The following TREML4 variants were observed in gnomAD, a reference collection of about 807,000 sequenced individuals.
TREML4 encodes triggering receptor expressed on myeloid cells like 4.
Under a neutral mutation model 25.4 loss-of-function variants are expected in TREML4, and 25 were observed. The observed-to-expected ratio is 0.98, with a 90% confidence interval of 0.72 to 1.37. The LOEUF (loss-of-function observed/expected upper bound fraction) is 1.37, where lower values mean the gene tolerates loss of function less well. Ranked by LOEUF, TREML4 falls within the 40% of genes most tolerant of loss-of-function variation. The probability of loss-of-function intolerance (pLI) is 0.00; values close to 1 mark genes in which losing one functional copy is unlikely to be tolerated. For synonymous variants in TREML4, 92 were observed against 87.9 expected, an observed-to-expected ratio of 1.05 and a Z score of -0.26; for missense variants, 268 against 236.5, an observed-to-expected ratio of 1.13 and a Z score of -0.87.
intron 4 of TREML4, chr6:41,231,121 G>C (rs1279376456): frequency 6.8e-6 from 3 of 443,540 alleles, no homozygotes; most frequent in Non-Finnish European, 1.4e-5. Context: ...GGCTCCCACA[G>C]ATTCTACATT....
intron 4 of TREML4, chr6:41,232,247 C>G: frequency 4.7e-6 from 1 of 211,790 alleles, no homozygotes; most frequent in Non-Finnish European, 1.0e-5. Context: ...GAAAACACTC[C>G]TGGAGGAAGG....
intron 2 of TREML4, 90 bp from the exon 3 acceptor site, chr6:41,229,431 T>C: frequency 2.8e-6 from 4 of 1,413,586 alleles, no homozygotes; most frequent in Non-Finnish European, 4.0e-6. Flanking sequence ...AGGGTCTGGC[T>C]CTGGGCCCCT....
At chr6:41,234,801 T>C (rs1766867435) in intron 4 of TREML4, among the ~76,000 whole-genome samples, 1 of 151,168 alleles carries the variant, frequency 6.6e-6, no homozygotes, top group Non-Finnish European at 1.5e-5. Context: ...AACATTTACA[T>C]TTCATGATTT....
intron 4 of TREML4, among the ~76,000 whole-genome samples, chr6:41,233,039 G>A (rs899673135): frequency 1.2e-4 from 19 of 152,304 alleles, no homozygotes; most frequent in African/African-American, 4.1e-4. Context: ...TTGGGTACTT[G>A]TCTCATGAGA....
At position 41,238,368 on chromosome 6, in the gene TREML4, A is replaced by T. The variant is rs928572464; in HGVS notation, c.*1349A>T. The stretch of plus-strand genomic sequence containing the variant: ...GTGACTATGTTTTCACTTACATAAA[A>T]GAAATTGTGATAGACCTTTTTCATA... On this transcript the variant is annotated 3_prime_UTR_variant, in exon 6 of 6. Coordinates refer to ENST00000341495, the MANE Select transcript of TREML4 (RefSeq NM_198153.3). The T allele has an allele frequency of 1.3e-5, 2 of 152,212 alleles. No individual in the cohort carries two copies. The highest frequency in any genetic ancestry group is 4.8e-5 in the African/African-American group (2 of 41,462). The allele number at this position is 152,212 out of a possible 1,614,324, so 9.4% of individuals were successfully genotyped here.
Position 41,237,938 on chromosome 6 carries a change from T to C in TREML4, c.*919T>C, listed in dbSNP as rs1766934912. 6.6e-6 allele frequency: 1 copy of C among 152,232 alleles called. No individual in the cohort carries two copies. Among genetic ancestry groups the C allele is most frequent in the Non-Finnish European group, 1.5e-5 (1 of 68,042 alleles). 9.4% of individuals were successfully genotyped at this position (152,232 alleles called of 1,614,324 possible). A position where few individuals can be genotyped will look rare whatever the true frequency, so the allele number is the denominator to read the frequency against. ...TTTTAGGGAACAGAAGAGGAGCACA[T>C]ATTTATGAAGCAAGAATAGGTACAG... On this transcript the variant is annotated 3_prime_UTR_variant, in exon 6 of 6. Transcript: ENST00000341495.
chr6:41,231,955 A>G (rs1040643033), intron 4 of TREML4, among the ~76,000 whole-genome samples: 11 of 152,214 alleles, frequency 7.2e-5, no homozygotes, highest in African/African-American at 2.7e-4. Context: ...CAGCCAACAC[A>G]CACACAAAAA....
At position 41,234,074 on chromosome 6, in the gene TREML4, G is replaced by A. The variant is rs145156367; in HGVS notation, c.507-2412G>A. On this transcript the variant is annotated intron_variant, in intron 4 of 5. Transcript: ENST00000341495. ...AAATACATGAAATGTATTTACAAAA[G>A]GACACCTTGTATAAGGACATATAAG... Among the ~76,000 whole-genome samples the A allele has an allele frequency of 1.7e-3, 253 of 151,804 alleles. 1 individual carries two copies. The highest frequency in any genetic ancestry group is 6.2e-3 in the East Asian group (32 of 5,182).
intron 3 of TREML4, 85 bp from the exon 4 acceptor site, chr6:41,229,977 C>T (rs986811298): frequency 2.5e-6 from 3 of 1,178,300 alleles, no homozygotes; most frequent in Non-Finnish European, 3.8e-6. Flanking sequence ...GGCCCCTCTC[C>T]CCTTCCTCTC....
At chr6:41,232,485 A>G (rs1766820106) in intron 4 of TREML4, 1 of 228,552 alleles carries the variant, frequency 4.4e-6, no homozygotes. Flanking sequence ...GCAGAAGACA[A>G]TTTTTCCATG....
chr6:41,232,347 C>T, intron 4 of TREML4: 1 of 399,438 alleles, frequency 2.5e-6, no homozygotes. Context: ...TTGTTTTTAT[C>T]TTTTTTGATT....
rs10700462 is a variant in TREML4 at position 41,228,366 on chromosome 6, C to CATT, written c.-62_-61insATT. 1.0e-5 allele frequency: 13 copies of CATT among 1,246,324 alleles called. 1 individual carries two copies. The highest frequency in any genetic ancestry group is 1.5e-5 in the Non-Finnish European group (13 of 888,660). The allele number at this position is 1,246,324 out of a possible 1,614,324, so 77.2% of individuals were successfully genotyped here. On this transcript the variant is annotated 5_prime_UTR_variant, in exon 1 of 6. Coordinates refer to ENST00000341495, the MANE Select transcript of TREML4 (RefSeq NM_198153.3). The stretch of plus-strand genomic sequence containing the variant: ...GCAGAATCAGACCCAGCGTCTGACT[C>CATT]CTCCTGAGAGGGCTCCCTTTTTTCT...
At chr6:41,229,621 T>G in intron 3 of TREML4, 50 bp downstream of exon 3, 1 of 1,596,492 alleles carries the variant, frequency 6.3e-7, no homozygotes, top group East Asian at 2.2e-5. Flanking sequence ...ACCAGGCAGC[T>G]TGGGAGCCTC....
At chr6:41,236,027 C>G (rs967563962) in intron 4 of TREML4, among the ~76,000 whole-genome samples, 2 of 152,134 alleles carry the variant, frequency 1.3e-5, no homozygotes, top group Non-Finnish European at 2.9e-5. Context: ...CTGGGACCAA[C>G]AGACAGGAGG....
Position 41,236,615 on chromosome 6 carries a change from C to G in TREML4, c.*33C>G. The G allele has an allele frequency of 6.4e-7, 1 of 1,551,676 alleles. No individual in the cohort carries two copies. The highest frequency in any genetic ancestry group is 1.4e-5 in the African/African-American group (1 of 73,886). ...TAGTGCTCCTGATCTGCAGGTGCCACAGGTGAGGGGGCCTGGATTTCACCT... is the reference window on the plus strand; with the variant it reads ...TAGTGCTCCTGATCTGCAGGTGCCAGAGGTGAGGGGGCCTGGATTTCACCT... On this transcript the variant is annotated splice_region_variant and 3_prime_UTR_variant, in exon 5 of 6. Coordinates refer to ENST00000341495, the MANE Select transcript of TREML4 (RefSeq NM_198153.3).
rs2101269 is a variant in TREML4, at chr6:41,228,989, C to T, written c.339C>T (p.Asn113=). 0.78 allele frequency: 1,254,956 copies of T among 1,613,550 alleles called. 492,485 individuals carry two copies. The highest frequency in any genetic ancestry group is 0.87 in the East Asian group (38,981 of 44,870). The change falls in exon 2 of 6, where the codon AAC becomes AAT. Residue 113 remains asparagine, a synonymous_variant. Transcript: ENST00000341495. ...GATTCTACTGGTGTGGAATCTACAA[C>T]GCTTCCGAAAACATCATCACTGTTC... ...DSGFYWCGIY[N]ASENIITVLR...
intron 4 of TREML4, among the ~76,000 whole-genome samples, chr6:41,230,787 T>C (rs1766781454): frequency 6.6e-6 from 1 of 152,160 alleles, no homozygotes; most frequent in South Asian, 2.1e-4. Context: ...TGGCAGCTAA[T>C]GGGGGTCCCT....
chr6:41,232,391 CAA>C (rs1766817468), intron 4 of TREML4: 1 of 420,172 alleles, frequency 2.4e-6, no homozygotes, highest in African/African-American at 2.0e-5. Context: ...AAATGAAGAA[CAA>C]GAGAAAATAC....
At position 41,228,402 on chromosome 6, in the gene TREML4, G is replaced by A. The variant is rs756673717; in HGVS notation, c.-26G>A. ...GGCTCCCTTTTTTCTCCTCTCCTCCGCTGTCAGAAACAGATCTGGGCTGGA... is the reference window on the plus strand; with the variant it reads ...GGCTCCCTTTTTTCTCCTCTCCTCCACTGTCAGAAACAGATCTGGGCTGGA... On this transcript the variant is annotated 5_prime_UTR_variant, in exon 1 of 6. Coordinates refer to ENST00000341495, the MANE Select transcript of TREML4 (RefSeq NM_198153.3). The A allele has an allele frequency of 1.6e-5, 26 of 1,588,340 alleles. No homozygotes were observed. Among genetic ancestry groups the A allele is most frequent in the East Asian group, 2.3e-5 (1 of 44,238 alleles).
Sources: gnomAD v4.1 joint callset for allele counts (sites outside exome capture counted in the v4.1 genomes callset) on GRCh38, gnomAD v4.1.1 for gene constraint, MANE v1.5 for transcripts, NCBI Gene and HGNC (gene_info 2026-07-23, HGNC 2026-07-21) for gene names.